TRPC7: variants seen among roughly 807,000 people sequenced by gnomAD.
TRPC7 encodes short transient receptor potential channel 7.
In TRPC7, 42 loss-of-function variants were observed where a neutral mutation model predicts 90.1. The ratio of observed to expected loss-of-function variants is 0.47; its 90% CI spans 0.36 to 0.60. TRPC7 has a LOEUF of 0.60. Among genes scored for constraint, TRPC7 ranks in the 20% least tolerant of loss-of-function variants. The pLI, the probability that TRPC7 is intolerant of heterozygous loss-of-function variation, is 0.00. For missense variants in TRPC7, 955 were observed against 1,112.3 expected, an observed-to-expected ratio of 0.86 and a Z score of 2.01; for synonymous variants, 451 against 436.3, an observed-to-expected ratio of 1.03 and a Z score of -0.42.
At chr5:136,328,239 G>A (rs1173148415) in intron 2 of TRPC7, among the ~76,000 whole-genome samples, 1 of 152,154 alleles carries the variant, frequency 6.6e-6, no homozygotes, top group Non-Finnish European at 1.5e-5. Flanking sequence ...CAGAGTCCAG[G>A]GTTCTGCCCC....
Position 136,247,235 on chromosome 5 carries a change from T to TC in TRPC7, c.1844+235dup, listed in dbSNP as rs1756369859. Among the ~76,000 whole-genome samples the TC allele has an allele frequency of 6.6e-6, 1 of 151,672 alleles. No individual in the cohort carries two copies. The highest frequency in any genetic ancestry group is 2.4e-5 in the African/African-American group (1 of 41,166). On this transcript the variant is annotated intron_variant, in intron 7 of 11. Coordinates refer to ENST00000513104, the MANE Select transcript of TRPC7 (RefSeq NM_020389.3). The surrounding 1 kb of genome is among the most constrained non-coding windows in gnomAD (Gnocchi z 4.2). ...CATTCCTACATGTGATTTTTTTTTTTCTAAATGGGAACATGCTCTGGTCAC... is the reference window on the plus strand; with the variant it reads ...CATTCCTACATGTGATTTTTTTTTTTCCTAAATGGGAACATGCTCTGGTCAC...
intron 2 of TRPC7, among the ~76,000 whole-genome samples, chr5:136,356,004 G>A (rs1046819651): frequency 5.3e-5 from 8 of 152,138 alleles, no homozygotes; most frequent in African/African-American, 1.4e-4. Context: ...TAGAGCTTTC[G>A]CCTGAGCTCG....
At chr5:136,278,641 C>A (rs563246227) in intron 3 of TRPC7, among the ~76,000 whole-genome samples, 1 of 152,268 alleles carries the variant, frequency 6.6e-6, no homozygotes, top group South Asian at 2.1e-4. Context: ...AAAATTCATA[C>A]CATCATCTGG....
chr5:136,215,333 G>A (rs1316992225), intron 11 of TRPC7, among the ~76,000 whole-genome samples: 1 of 152,204 alleles, frequency 6.6e-6, no homozygotes, highest in Non-Finnish European at 1.5e-5. Flanking sequence ...GCTGTGGGAG[G>A]CAGAGGAATG....
chr5:136,307,689 C>G (rs942971813), intron 3 of TRPC7, among the ~76,000 whole-genome samples: 1 of 152,188 alleles, frequency 6.6e-6, no homozygotes, highest in Non-Finnish European at 1.5e-5. Flanking sequence ...GGGTAGGGTG[C>G]TACTGGATAG....
At chr5:136,227,268 A>G (rs930343474) in intron 8 of TRPC7, among the ~76,000 whole-genome samples, 2 of 152,208 alleles carry the variant, frequency 1.3e-5, no homozygotes, top group Non-Finnish European at 2.9e-5. Context: ...AGACCAGGAA[A>G]GAGGCATGGG....
intron 2 of TRPC7, among the ~76,000 whole-genome samples, chr5:136,353,623 C>T (rs1015812107): frequency 6.6e-6 from 1 of 152,170 alleles, no homozygotes; most frequent in African/African-American, 2.4e-5. Context: ...GTCAGGAATG[C>T]ACATATAAGG....
chr5:136,251,959 C>G (rs1756536350), intron 5 of TRPC7, 77 bp from the exon 6 acceptor site: 1 of 1,147,884 alleles, frequency 8.7e-7, no homozygotes, highest in South Asian at 1.3e-5. Context: ...ATGGAGGGAA[C>G]CAGAGTACAA....
intron 8 of TRPC7, 66 bp downstream of exon 8, chr5:136,231,288 C>T (rs2149797096): frequency 7.2e-7 from 1 of 1,382,892 alleles, no homozygotes; most frequent in East Asian, 2.4e-5. Context: ...TCATTCCCCT[C>T]ATTGCTGAAA....
intron 5 of TRPC7, among the ~76,000 whole-genome samples, chr5:136,264,062 A>G (rs1756947661): frequency 6.6e-6 from 1 of 152,226 alleles, no homozygotes; most frequent in Non-Finnish European, 1.5e-5. Flanking sequence ...CCAATGAGAA[A>G]TAAGTCCTTC....
chr5:136,262,172 T>G (rs1045437668), intron 5 of TRPC7, among the ~76,000 whole-genome samples: 1 of 152,222 alleles, frequency 6.6e-6, no homozygotes, highest in African/African-American at 2.4e-5. Context: ...TCTGCTCGTA[T>G]CCCACAATCA....
intron 10 of TRPC7, among the ~76,000 whole-genome samples, chr5:136,218,765 G>A (rs1386083240): frequency 6.6e-6 from 1 of 152,212 alleles, no homozygotes; most frequent in Non-Finnish European, 1.5e-5. Context: ...AGGGTGAAAG[G>A]ATGAAGACGC....
intron 8 of TRPC7, among the ~76,000 whole-genome samples, chr5:136,230,976 G>A (rs1413473322): frequency 6.6e-6 from 1 of 152,188 alleles, no homozygotes; most frequent in Non-Finnish European, 1.5e-5. Context: ...AGTGCCTAGT[G>A]CGGATTTGGC....
chr5:136,337,398 T>C (rs1189293335), intron 2 of TRPC7, among the ~76,000 whole-genome samples: 2 of 152,230 alleles, frequency 1.3e-5, no homozygotes, highest in Non-Finnish European at 2.9e-5. Flanking sequence ...CCAGGCGTGG[T>C]GGCTCACGCC....
intron 2 of TRPC7, among the ~76,000 whole-genome samples, chr5:136,337,092 A>T (rs1169362689): frequency 6.6e-6 from 1 of 152,168 alleles, no homozygotes; most frequent in Non-Finnish European, 1.5e-5. Flanking sequence ...ATCATCTGTG[A>T]CAAAGGCCAT....
intron 7 of TRPC7, among the ~76,000 whole-genome samples, chr5:136,238,410 A>C (rs1301487188): frequency 6.6e-6 from 1 of 152,154 alleles, no homozygotes; most frequent in Non-Finnish European, 1.5e-5. Flanking sequence ...ATTTTTGTCA[A>C]TGGATGATGG....
intron 5 of TRPC7, among the ~76,000 whole-genome samples, 193 bp downstream of exon 5, chr5:136,266,027 A>G (rs1580879252): frequency 6.6e-6 from 1 of 152,190 alleles, no homozygotes; most frequent in East Asian, 1.9e-4. Context: ...TTTCCTTTCA[A>G]AATTGGAATT....
intron 10 of TRPC7, among the ~76,000 whole-genome samples, chr5:136,219,798 A>G (rs1313163785): frequency 1.3e-5 from 2 of 152,180 alleles, no homozygotes; most frequent in African/African-American, 4.8e-5. Context: ...CCTCATAGAG[A>G]CCTAACTTCC....
chr5:136,252,635 G>T (rs1756559917), intron 5 of TRPC7, among the ~76,000 whole-genome samples: 2 of 149,538 alleles, frequency 1.3e-5, no homozygotes, highest in Non-Finnish European at 1.5e-5. Context: ...AGTGGGGGTG[G>T]AGGGTGGGAT....
Sources: allele counts gnomAD v4.1 joint callset (sites outside exome capture counted in the v4.1 genomes callset), GRCh38; gene constraint gnomAD v4.1.1; non-coding constraint Gnocchi (gnomAD v3.1); transcripts MANE v1.5; gene names NCBI Gene and HGNC (gene_info 2026-07-23, HGNC 2026-07-21).